The following ATXN7L1 variants were observed in gnomAD, a reference collection of about 807,000 sequenced individuals.
The protein encoded by ATXN7L1 is ataxin-7-like protein 1.
ATXN7L1 carries 15 observed loss-of-function variants against 70.8 expected under a neutral mutation model. The observed-to-expected ratio is 0.21, with a 90% CI of 0.14 to 0.33. The LOEUF is 0.33. Among genes scored for constraint, ATXN7L1 ranks in the 10% least tolerant of loss-of-function variants. The probability of loss-of-function intolerance (pLI) is 1.00; values close to 1 mark genes in which losing one functional copy is unlikely to be tolerated. For synonymous variants in ATXN7L1, 440 were observed against 445.1 expected (o/e 0.99, Z 0.14); for missense variants, 975 against 1,097.1 (o/e 0.89, Z 1.57).
intron 4 of ATXN7L1, among the ~76,000 whole-genome samples, chr7:105,654,369 C>A: frequency 6.6e-6 from 1 of 152,222 alleles, no homozygotes. Flanking sequence ...CGTGCAATAC[C>A]GTGTTTAATC....
At chr7:105,853,991 GGTC>G (rs1815303030) in intron 2 of ATXN7L1, among the ~76,000 whole-genome samples, 1 of 151,982 alleles carries the variant, frequency 6.6e-6, no homozygotes, top group Non-Finnish European at 1.5e-5. Context: ...GACACGCGGC[GGTC>G]TAAGCACCGA....
intron 2 of ATXN7L1, among the ~76,000 whole-genome samples, chr7:105,807,034 C>A (rs1171825457): frequency 6.6e-6 from 1 of 152,192 alleles, no homozygotes; most frequent in Non-Finnish European, 1.5e-5. Context: ...GCCTCCTGGG[C>A]CAGGGCACGC....
chr7:105,804,048 G>A (rs1244814504), intron 2 of ATXN7L1, among the ~76,000 whole-genome samples: 1 of 152,196 alleles, frequency 6.6e-6, no homozygotes, highest in Non-Finnish European at 1.5e-5. Context: ...CTTGGCCAGA[G>A]GGAGAGAAAT....
At chr7:105,682,817 T>C (rs1805707921) in intron 3 of ATXN7L1, among the ~76,000 whole-genome samples, 1 of 152,224 alleles carries the variant, frequency 6.6e-6, no homozygotes. Context: ...TTAATGGGTA[T>C]GAGGTTTTAT....
intron 2 of ATXN7L1, among the ~76,000 whole-genome samples, chr7:105,856,793 GTGTGTGTGTA>G (rs1356163350): frequency 1.3e-5 from 2 of 151,720 alleles, no homozygotes; most frequent in African/African-American, 2.4e-5. Flanking sequence ...CACCCAAAAA[GTGTGTGTGTA>G]TGTGTGTGTG....
Position 105,787,020 on chromosome 7 carries a change from GGCTCT to G in ATXN7L1, c.355+1579_355+1583del, listed in dbSNP as rs146213861. Among the ~76,000 whole-genome samples, 522 of 151,916 alleles carry G rather than the reference GGCTCT, an allele frequency of 3.4e-3. 18 individuals carry two copies. In the East Asian group the frequency reaches 0.081, roughly 23 times the overall value. On this transcript the variant is annotated intron_variant, in intron 3 of 11. Transcript: ENST00000419735. The stretch of plus-strand genomic sequence containing the variant: ...TGGCTGGGTGGGACCTTCTTGCCAT[GGCTCT>G]GCTTTGGATTCTCCACCTGTCATCT...
At chr7:105,852,115 T>C (rs1056861315) in intron 2 of ATXN7L1, among the ~76,000 whole-genome samples, 1 of 152,206 alleles carries the variant, frequency 6.6e-6, no homozygotes, top group African/African-American at 2.4e-5. Flanking sequence ...TCCTGTTCTA[T>C]GTCGTCCATA....
chr7:105,705,889 G>C (rs1292145178), intron 3 of ATXN7L1, among the ~76,000 whole-genome samples: 1 of 152,148 alleles, frequency 6.6e-6, no homozygotes, highest in African/African-American at 2.4e-5. Context: ...CTCCACCTTA[G>C]CACCTGGCAC....
chr7:105,817,311 A>G (rs937886636), intron 2 of ATXN7L1, among the ~76,000 whole-genome samples: 1 of 152,226 alleles, frequency 6.6e-6, no homozygotes, highest in African/African-American at 2.4e-5. Flanking sequence ...ATGGAAGCCT[A>G]CTGCTCAGTG....
At chr7:105,711,922 G>T (rs915432056) in intron 3 of ATXN7L1, among the ~76,000 whole-genome samples, 1 of 152,266 alleles carries the variant, frequency 6.6e-6, no homozygotes, top group Non-Finnish European at 1.5e-5. Flanking sequence ...CCCTGCAGCA[G>T]ACTTCTGCCT....
In ATXN7L1 at chr7:105,629,826, A is replaced by C. The variant is rs568807341; in HGVS notation, c.1203-5559T>G. Among the ~76,000 whole-genome samples the C allele has an allele frequency of 3.8e-5, 5 of 132,118 alleles. No individual in the cohort carries two copies. In the South Asian group the frequency reaches 1.2e-3, roughly 32 times the overall value. The allele number at this position is 132,118 out of a possible 152,430, so 86.7% of individuals were successfully genotyped here. On this transcript the variant is annotated intron_variant, in intron 7 of 11. Transcript: ENST00000419735. The stretch of plus-strand genomic sequence containing the variant: ...GGCCTCCGTGCCCGGTCTTATTATT[A>C]TTTTTTTTTGAGACACAGTCTCACT...
chr7:105,665,078 C>T lies in ATXN7L1; in HGVS notation c.566G>A (p.Arg189Lys). The change falls in exon 4 of 12, where the codon AGG becomes AAG. Residue 189 changes from arginine (R) to lysine (K), a missense_variant. Arg to Lys is a conservative substitution (Grantham distance 26). Around this residue, in one of 5 missense-constraint regions of ATXN7L1, gnomAD observed 192 missense variants for 215.5 expected, o/e 0.89. Coordinates refer to ENST00000419735, the MANE Select transcript of ATXN7L1 (RefSeq NM_020725.2). ...CCAGCTGACTCACCATGGTTTATCC[C>T]TTGATCCTTTCGCAGGAAAGACTGT... ...QHTVFPAKGS[R>K]DKPCVPVPVV... 6.4e-7 allele frequency: 1 copy of T among 1,550,992 alleles called. No homozygotes were observed. The highest frequency in any genetic ancestry group is 8.7e-7 in the Non-Finnish European group (1 of 1,146,942).
intron 2 of ATXN7L1, among the ~76,000 whole-genome samples, chr7:105,841,096 CT>C (rs980487148): frequency 3.3e-5 from 5 of 152,236 alleles, no homozygotes; most frequent in African/African-American, 1.2e-4. Context: ...CAACACTGAG[CT>C]TTGTGCGTGC....
chr7:105,678,099 T>C (rs372206564), intron 3 of ATXN7L1: 1 of 827,166 alleles, frequency 1.2e-6, no homozygotes, highest in East Asian at 1.2e-4. Context: ...ATACTTTTTT[T>C]TTTTTTTTTT....
chr7:105,755,225 A>G (rs112141095), intron 3 of ATXN7L1, among the ~76,000 whole-genome samples: 16 of 151,984 alleles, frequency 1.1e-4, no homozygotes, highest in African/African-American at 3.6e-4. Context: ...CAGGGAAAAA[A>G]ACCTTAAAGA....
At chr7:105,641,210 C>CTTTTT (rs1471887959) in intron 5 of ATXN7L1, among the ~76,000 whole-genome samples, 176 of 60,568 alleles carry the variant, frequency 2.9e-3, no homozygotes, top group Middle Eastern at 8.3e-3. Context: ...CTCTCTCTCT[C>CTTTTT]TCTCTTTTTT....
At chr7:105,778,077 T>C (rs901413560) in intron 3 of ATXN7L1, among the ~76,000 whole-genome samples, 1 of 152,234 alleles carries the variant, frequency 6.6e-6, no homozygotes, top group Non-Finnish European at 1.5e-5. Context: ...GCCTGGCATA[T>C]AGCAGGTGCT....
chr7:105,756,806 G>A (rs549025587), intron 3 of ATXN7L1, among the ~76,000 whole-genome samples: 1 of 152,262 alleles, frequency 6.6e-6, no homozygotes, highest in African/African-American at 2.4e-5. Context: ...ACTTAACGGT[G>A]ATGACCTCCA....
chr7:105,844,300 T>C (rs1813651117), intron 2 of ATXN7L1, among the ~76,000 whole-genome samples: 1 of 151,898 alleles, frequency 6.6e-6, no homozygotes, highest in Non-Finnish European at 1.5e-5. Context: ...GAAAACTAAA[T>C]CCCTTCTGAA....
Sources: gnomAD v4.1 joint callset for allele counts (sites outside exome capture counted in the v4.1 genomes callset) on GRCh38, gnomAD v4.1.1 for gene constraint, gnomAD v4.1.1 regional missense constraint, MANE v1.5 for transcripts, NCBI Gene and HGNC (gene_info 2026-07-23, HGNC 2026-07-21) for gene names.